SRFBP1: variants seen among roughly 807,000 people sequenced by gnomAD.
SRFBP1 encodes the protein serum response factor-binding protein 1.
SRFBP1 carries 47 observed loss-of-function variants against 45.5 expected under a neutral mutation model. The ratio of observed to expected loss-of-function variants is 1.03; its 90% CI spans 0.82 to 1.32. SRFBP1 has a LOEUF of 1.32. Ranked by LOEUF, SRFBP1 falls within the 40% of genes most tolerant of loss-of-function variation. The pLI, the probability that SRFBP1 is intolerant of heterozygous loss-of-function variation, is 0.00. For synonymous variants in SRFBP1, 203 were observed against 166.3 expected, an observed-to-expected ratio of 1.22 and a Z score of -1.70; for missense variants, 621 against 484.6, an observed-to-expected ratio of 1.28 and a Z score of -2.64.
intron 2 of SRFBP1, among the ~76,000 whole-genome samples, chr5:122,054,739 C>G (rs890734440): frequency 6.6e-6 from 1 of 152,064 alleles, no homozygotes; most frequent in African/African-American, 2.4e-5. Context: ...CATTATGTTT[C>G]TTAGATTTTA....
chr5:122,077,703 G>A (rs767792972), downstream of SRFBP1: 4 of 1,591,902 alleles, frequency 2.5e-6, no homozygotes, highest in African/African-American at 2.7e-5. This position sits in a 1 kb window ranked among gnomAD's most constrained non-coding sequence, Gnocchi z 4.9. Context: ...CGGTTGTCGC[G>A]GATCAGCAGG....
chr5:121,979,617 G>A (rs976486052), intron 3 of SRFBP1, among the ~76,000 whole-genome samples: 3 of 152,232 alleles, frequency 2.0e-5, no homozygotes, highest in Admixed American at 6.5e-5. Context: ...CAGACTCAAC[G>A]TGTTAGAGAT....
chr5:121,970,786 C>G (rs1255038853), intron 1 of SRFBP1, among the ~76,000 whole-genome samples: 3 of 152,056 alleles, frequency 2.0e-5, no homozygotes, highest in African/African-American at 7.2e-5. Context: ...GTGCCATGCA[C>G]TATGTTAGGT....
At chr5:122,060,584 G>C (rs1316728434) in intron 2 of SRFBP1, among the ~76,000 whole-genome samples, 2 of 152,014 alleles carry the variant, frequency 1.3e-5, no homozygotes, top group Non-Finnish European at 2.9e-5. Flanking sequence ...CACAAACTGA[G>C]CTTATGAAAT....
chr5:122,049,661 A>G (rs1454513932), intron 2 of SRFBP1, among the ~76,000 whole-genome samples: 2 of 152,178 alleles, frequency 1.3e-5, no homozygotes, highest in Non-Finnish European at 2.9e-5. Flanking sequence ...AAGAACAGAA[A>G]TTATAACAAA....
intron 1 of SRFBP1, among the ~76,000 whole-genome samples, chr5:121,973,856 G>A (rs930840949): frequency 1.3e-5 from 2 of 151,832 alleles, no homozygotes; most frequent in African/African-American, 4.8e-5. Flanking sequence ...GGAATACAAA[G>A]ATGAATATGA....
chr5:122,068,364 T>C (rs1195184511), intron 2 of SRFBP1, among the ~76,000 whole-genome samples: 1 of 152,076 alleles, frequency 6.6e-6, no homozygotes, highest in Non-Finnish European at 1.5e-5. Context: ...TCCAGACCTA[T>C]TTCTAGTGGG....
chr5:122,009,821 T>C lies in SRFBP1; in HGVS notation c.271-9439T>C, dbSNP rs77669401. Among the ~76,000 whole-genome samples, 787 of 152,298 alleles carry C rather than the reference T, an allele frequency of 5.2e-3. 20 individuals carry two copies. The East Asian group carries it at 0.053, about 10-fold the overall frequency. The stretch of plus-strand genomic sequence containing the variant: ...ATTCCCATAATCTCTCAAGGGAAAA[T>C]ATTCTGGGCCAAGTTTGTCTTTGGA... On this transcript the variant is annotated intron_variant, in intron 4 of 7. Coordinates refer to ENST00000339397, the MANE Select transcript of SRFBP1 (RefSeq NM_152546.3).
intron 3 of SRFBP1, among the ~76,000 whole-genome samples, chr5:121,980,307 A>G (rs956478999): frequency 6.6e-6 from 1 of 152,170 alleles, no homozygotes; most frequent in African/African-American, 2.4e-5. Context: ...TACCTTTACT[A>G]TCAGTGTTGA....
downstream of SRFBP1, chr5:122,078,146 G>C (rs1469797826): frequency 3.4e-6 from 2 of 595,628 alleles, no homozygotes; most frequent in East Asian, 6.9e-5. Flanking sequence ...GTGGGATTCA[G>C]ACCCTTCCCC....
chr5:121,973,591 T>C (rs895276942), intron 1 of SRFBP1, among the ~76,000 whole-genome samples: 1 of 142,916 alleles, frequency 7.0e-6, no homozygotes, highest in African/African-American at 2.5e-5. Context: ...AAATTATGTA[T>C]TTGTATGTGT....
downstream of SRFBP1, among the ~76,000 whole-genome samples, chr5:122,030,097 A>G (rs865903022): frequency 6.6e-6 from 1 of 152,232 alleles, no homozygotes; most frequent in African/African-American, 2.4e-5. Flanking sequence ...AGAGCTCTTT[A>G]AAAGTTACCT....
intron 2 of SRFBP1, among the ~76,000 whole-genome samples, chr5:122,074,926 T>C (rs76858313): frequency 0.017 from 2,662 of 152,302 alleles, 79 homozygotes; most frequent in African/African-American, 0.061. Context: ...AAATTTAGGA[T>C]AGAAAAGGCA....
At chr5:122,070,034 C>A in intron 2 of SRFBP1, 1 of 1,537,466 alleles carries the variant, frequency 6.5e-7, no homozygotes, top group Non-Finnish European at 9.0e-7. Flanking sequence ...AATTACTTAG[C>A]TAAGCAAATA....
intron 4 of SRFBP1, among the ~76,000 whole-genome samples, chr5:122,006,875 T>A (rs1346095167): frequency 6.6e-6 from 1 of 152,090 alleles, no homozygotes; most frequent in African/African-American, 2.4e-5. Context: ...AATATTTGAA[T>A]TCTTTGTCAT....
In SRFBP1 at chr5:121,995,578, G is replaced by A. The variant is rs539319215; in HGVS notation, c.270+908G>A. On this transcript the variant is annotated intron_variant, in intron 4 of 7. Transcript: ENST00000339397. ...GAGAAAGCAGGAAAGATCCAAAATT[G>A]ACACCCTAACATCACAATTAAAAGA... is the stretch of plus-strand genomic sequence containing the variant. Among the ~76,000 whole-genome samples the A allele has an allele frequency of 2.1e-3, 317 of 152,156 alleles. 1 individual carries two copies. The highest frequency in any genetic ancestry group is 7.4e-3 in the African/African-American group (306 of 41,486).
chr5:122,077,033 G>C, downstream of SRFBP1: 1 of 1,608,380 alleles, frequency 6.2e-7, no homozygotes, highest in Non-Finnish European at 8.5e-7. The surrounding 1 kb of genome is among the most constrained non-coding windows in gnomAD (Gnocchi z 4.9). Context: ...GCGCAGCAGT[G>C]AAACAACCCG....
At chr5:121,991,194 C>T (rs1225313243) in intron 3 of SRFBP1, among the ~76,000 whole-genome samples, 1 of 152,108 alleles carries the variant, frequency 6.6e-6, no homozygotes, top group Non-Finnish European at 1.5e-5. Flanking sequence ...CTGGATTCTA[C>T]TGAGTTTTTC....
downstream of SRFBP1, among the ~76,000 whole-genome samples, chr5:122,028,844 C>T (rs955693979): frequency 1.3e-5 from 2 of 152,152 alleles, no homozygotes; most frequent in African/African-American, 4.8e-5. Context: ...CTGTCCAAGA[C>T]TTTTTACCTC....
Sources: gnomAD v4.1 joint callset for allele counts (sites outside exome capture counted in the v4.1 genomes callset) on GRCh38, gnomAD v4.1.1 for gene constraint, Gnocchi (gnomAD v3.1) non-coding constraint, MANE v1.5 for transcripts, NCBI Gene and HGNC (gene_info 2026-07-23, HGNC 2026-07-21) for gene names.